Variants in ADAMTS19 observed in about 807,000 individuals in gnomAD.
The protein encoded by ADAMTS19 is A disintegrin and metalloproteinase with thrombospondin motifs 19.
In ADAMTS19, 93 loss-of-function variants were observed where a neutral mutation model predicts 153.3. That is an observed-to-expected ratio of 0.61 (90% CI 0.51 to 0.72). ADAMTS19 has a LOEUF of 0.72. Ranked by LOEUF, ADAMTS19 falls within the 30% of genes least tolerant of loss-of-function variation. The pLI is 0.00. For missense variants in ADAMTS19, 1,482 were observed against 1,552.1 expected, an observed-to-expected ratio of 0.95 and a Z score of 0.76; for synonymous variants, 600 against 556.6, an observed-to-expected ratio of 1.08 and a Z score of -1.10.
chr5:129,482,296 C>G (rs150250665), intron 2 of ADAMTS19, among the ~76,000 whole-genome samples: 1 of 152,098 alleles, frequency 6.6e-6, no homozygotes, highest in Non-Finnish European at 1.5e-5. Context: ...TCACTTCTCT[C>G]ACCCAACAAA....
At chr5:129,530,286 G>T (rs1017628703) in intron 6 of ADAMTS19, among the ~76,000 whole-genome samples, 1 of 152,168 alleles carries the variant, frequency 6.6e-6, no homozygotes, top group Non-Finnish European at 1.5e-5. Context: ...GATTAATGTT[G>T]TTGTAATTGG....
chr5:129,671,398 T>A (rs1220341238), intron 16 of ADAMTS19, among the ~76,000 whole-genome samples: 2 of 152,062 alleles, frequency 1.3e-5, no homozygotes, highest in African/African-American at 4.8e-5. Context: ...AAAGAAGAAA[T>A]GACACTGTGT....
intron 3 of ADAMTS19, among the ~76,000 whole-genome samples, chr5:129,511,249 T>C (rs1455898858): frequency 1.3e-5 from 2 of 151,856 alleles, no homozygotes; most frequent in African/African-American, 4.8e-5. Context: ...TTTAGGTAGA[T>C]TATGTTTATA....
intron 21 of ADAMTS19, among the ~76,000 whole-genome samples, chr5:129,722,377 G>C (rs772745940): frequency 1.3e-5 from 2 of 152,094 alleles, no homozygotes; most frequent in East Asian, 3.9e-4. Context: ...TTTCATGTTT[G>C]TTGGCTGCAT....
chr5:129,649,319 A>C (rs1001068334), intron 13 of ADAMTS19, among the ~76,000 whole-genome samples: 11 of 152,184 alleles, frequency 7.2e-5, no homozygotes, highest in Non-Finnish European at 7.3e-5. Flanking sequence ...TAAATAACTA[A>C]ACATACACTA....
intron 8 of ADAMTS19, among the ~76,000 whole-genome samples, chr5:129,616,657 T>A (rs1751544701): frequency 6.6e-6 from 1 of 152,036 alleles, no homozygotes; most frequent in Non-Finnish European, 1.5e-5. Flanking sequence ...ATGTACAATG[T>A]TAGTGAAGAG....
At chr5:129,611,028 G>T (rs182450997) in intron 8 of ADAMTS19, among the ~76,000 whole-genome samples, 207 of 152,164 alleles carry the variant, frequency 1.4e-3, no homozygotes, top group South Asian at 8.3e-3. Flanking sequence ...ATTTGCATTT[G>T]TCTGATGGCC....
intron 2 of ADAMTS19, among the ~76,000 whole-genome samples, chr5:129,495,086 A>G (rs1490893296): frequency 6.6e-6 from 1 of 152,044 alleles, no homozygotes; most frequent in Non-Finnish European, 1.5e-5. Context: ...TGTAGCAAAT[A>G]ATTATTAATA....
intron 11 of ADAMTS19, among the ~76,000 whole-genome samples, chr5:129,642,298 A>C (rs1211370793): frequency 6.6e-6 from 1 of 152,066 alleles, no homozygotes; most frequent in Non-Finnish European, 1.5e-5. Flanking sequence ...TAAATGGTAA[A>C]ATTTCTCATT....
intron 8 of ADAMTS19, among the ~76,000 whole-genome samples, chr5:129,597,214 A>G (rs1213729082): frequency 1.3e-5 from 2 of 152,194 alleles, no homozygotes; most frequent in African/African-American, 2.4e-5. Flanking sequence ...CCAAAGAGGT[A>G]GTTATTGTTC....
At chr5:129,690,186 G>A (rs548912429) in intron 18 of ADAMTS19, among the ~76,000 whole-genome samples, 1 of 152,276 alleles carries the variant, frequency 6.6e-6, no homozygotes, top group African/African-American at 2.4e-5. Flanking sequence ...TCCATCTAGT[G>A]GAAGTCAGAT....
In ADAMTS19 at chr5:129,701,603, G is replaced by A. The variant is rs758222894; in HGVS notation, c.3159+11G>A. 1 of 1,612,804 alleles carries A rather than the reference G, an allele frequency of 6.2e-7. No individual in the cohort carries two copies. Among genetic ancestry groups the A allele is most frequent in the South Asian group, 1.1e-5 (1 of 90,980 alleles). ...GGAGTGTGGTCTGAGGTGCATACAT[G>A]CCCCCTTTCTTTCCCCATTCCTACT... On this transcript the variant is annotated intron_variant, in intron 20 of 22. Coordinates refer to ENST00000274487, the MANE Select transcript of ADAMTS19 (RefSeq NM_133638.6).
Position 129,461,753 on chromosome 5 carries a change from G to A in ADAMTS19, c.743G>A (p.Gly248Asp). 2 of 1,490,484 alleles carry A rather than the reference G, an allele frequency of 1.3e-6. No homozygotes were observed. 92.3% of individuals were successfully genotyped at this position (1,490,484 alleles called of 1,614,324 possible). A position where few individuals can be genotyped will look rare whatever the true frequency, so the allele number is the denominator to read the frequency against. The change falls in exon 2 of 23, where the codon GGC becomes GAC. Residue 248 changes from glycine to aspartate, a missense_variant. This residue lies in a region of ADAMTS19 where 866 missense variants were observed against 827.7 expected (regional missense o/e 1.05). Coordinates refer to ENST00000274487, the MANE Select transcript of ADAMTS19 (RefSeq NM_133638.6). This position sits in a 1 kb window ranked among gnomAD's most constrained non-coding sequence, Gnocchi z 4.6. ...GCTTCTTTCAGCACCTGTGGAGGTGGCCTGGTAAGCGCCTTCTTTCCCTAG... is the reference window on the plus strand; with the variant it reads ...GCTTCTTTCAGCACCTGTGGAGGTGACCTGGTAAGCGCCTTCTTTCCCTAG... ...SLASFSTCGGGLMGFIQLNED... is the reference protein window; with the variant it reads ...SLASFSTCGGDLMGFIQLNED...
Position 129,654,419 on chromosome 5 carries a change from A to T in ADAMTS19, c.2290A>T (p.Asn764Tyr). 6.2e-7 allele frequency: 1 copy of T among 1,609,592 alleles called. No homozygotes were observed. Among genetic ancestry groups the T allele is most frequent in the Non-Finnish European group, 8.5e-7 (1 of 1,179,038 alleles). Residue 764 changes from asparagine to tyrosine, a missense_variant, in exon 14 of 23, where the codon AAT becomes TAT. Transcript: ENST00000274487. ...CTATCAGGGATTAGATATCTGTGCA[A>T]ATGGCAGGTGCCAGGTAAGACATTC... ...CGYQGLDICA[N>Y]GRCQKVGCDG...
At chr5:129,565,406 C>G (rs73785207) in intron 7 of ADAMTS19, among the ~76,000 whole-genome samples, 104 of 152,216 alleles carry the variant, frequency 6.8e-4, no homozygotes, top group Non-Finnish European at 1.5e-3. Flanking sequence ...TGGAAATATA[C>G]TTTGAAGATA....
At chr5:129,484,244 T>C (rs1561534243) in intron 2 of ADAMTS19, among the ~76,000 whole-genome samples, 1 of 152,196 alleles carries the variant, frequency 6.6e-6, no homozygotes, top group South Asian at 2.1e-4. Flanking sequence ...GATATAAATA[T>C]AGGTAACACC....
At chr5:129,623,876 T>C (rs1751898154) in intron 10 of ADAMTS19, among the ~76,000 whole-genome samples, 1 of 151,682 alleles carries the variant, frequency 6.6e-6, no homozygotes, top group African/African-American at 2.4e-5. Flanking sequence ...ATCCCAGCAC[T>C]TTGGGAGGCC....
intron 16 of ADAMTS19, among the ~76,000 whole-genome samples, chr5:129,671,898 C>G (rs1031971809): frequency 1.4e-5 from 2 of 147,368 alleles, no homozygotes; most frequent in Non-Finnish European, 3.0e-5. Context: ...CTATGGACAA[C>G]TTCTCACTAA....
At chr5:129,631,770 T>C (rs754770301) in intron 10 of ADAMTS19, among the ~76,000 whole-genome samples, 5 of 152,050 alleles carry the variant, frequency 3.3e-5, no homozygotes, top group South Asian at 2.1e-4. Flanking sequence ...TATAAGCATG[T>C]AGTTGTCTTG....
Sources: allele counts gnomAD v4.1 joint callset (sites outside exome capture counted in the v4.1 genomes callset), GRCh38; gene constraint gnomAD v4.1.1; regional missense constraint gnomAD v4.1.1; non-coding constraint Gnocchi (gnomAD v3.1); transcripts MANE v1.5; gene names NCBI Gene and HGNC (gene_info 2026-07-23, HGNC 2026-07-21).